RAD51B: variants seen among roughly 807,000 people sequenced by gnomAD.
The protein encoded by RAD51B is DNA repair protein RAD51 homolog 2.
In RAD51B, 38 loss-of-function variants were observed where a neutral mutation model predicts 42.2. The ratio of observed to expected loss-of-function variants is 0.90; its 90% CI spans 0.70 to 1.18. The LOEUF (loss-of-function observed/expected upper bound fraction) is 1.18. RAD51B is among the 50% of genes most tolerant of loss of function. RAD51B has a pLI of 0.00. For synonymous variants in RAD51B, 154 were observed against 145.2 expected (o/e 1.06, Z -0.43); for missense variants, 373 against 400.7 (o/e 0.93, Z 0.59).
intron 10 of RAD51B, among the ~76,000 whole-genome samples, chr14:68,619,846 T>C (rs1222222728): frequency 6.6e-6 from 1 of 152,258 alleles, no homozygotes. Context: ...GCACCTTTTC[T>C]GTCTTCTCCT....
intron 7 of RAD51B, among the ~76,000 whole-genome samples, chr14:68,275,872 A>AT (rs943980164): frequency 6.7e-6 from 1 of 149,384 alleles, no homozygotes; most frequent in African/African-American, 2.5e-5. Context: ...TGTTATTTCT[A>AT]TTTTTTTGTC....
intron 11 of RAD51B, among the ~76,000 whole-genome samples, chr14:68,678,590 G>T (rs1352574423): frequency 4.6e-5 from 7 of 152,134 alleles, no homozygotes. Context: ...GGAAGTAGGG[G>T]GGTGGCTGCC....
At chr14:68,626,848 G>A (rs1892094477) in intron 10 of RAD51B, among the ~76,000 whole-genome samples, 1 of 152,204 alleles carries the variant, frequency 6.6e-6, no homozygotes, top group African/African-American at 2.4e-5. Flanking sequence ...TCTGAGGAGG[G>A]AAAGAACTAA....
At chr14:68,645,229 G>A (rs909866028) in intron 10 of RAD51B, among the ~76,000 whole-genome samples, 19 of 152,078 alleles carry the variant, frequency 1.2e-4, no homozygotes, top group Non-Finnish European at 1.3e-4. Flanking sequence ...TAAGTATCTC[G>A]TGAGTGGAAT....
chr14:67,982,919 G>A (rs368738645), intron 7 of RAD51B, among the ~76,000 whole-genome samples: 1 of 152,086 alleles, frequency 6.6e-6, no homozygotes, highest in East Asian at 1.9e-4. Flanking sequence ...TAAAAAATTA[G>A]CCAGGCATGG....
In RAD51B at chr14:68,601,655, C is replaced by T. The variant is rs553721301; in HGVS notation, c.1037-9351C>T. Among the ~76,000 whole-genome samples the T allele has an allele frequency of 3.1e-4, 47 of 152,214 alleles. 1 individual carries two copies. Among genetic ancestry groups the T allele is most frequent in the African/African-American group, 1.1e-3 (44 of 41,526 alleles). Reference sequence around the variant, plus strand: ...CAGGGCTCCCATCACTCAGCTCTGCCGCCATTCATGTAGTATTCTTCTGTT... The same window carrying T: ...CAGGGCTCCCATCACTCAGCTCTGCTGCCATTCATGTAGTATTCTTCTGTT... On this transcript the variant is annotated intron_variant, in intron 10 of 10. Coordinates refer to the RAD51B transcript ENST00000487861.
In RAD51B at chr14:68,649,807, A is replaced by G. The variant is rs111295886; in HGVS notation, c.1037-974A>G. ...ATGAACACCTTCCGCAAAGAGACCA[A>G]CTGTCTTTTAACCTGATACTGATAT... On this transcript the variant is annotated intron_variant, in intron 10 of 11. Coordinates refer to the RAD51B transcript ENST00000488612. Among the ~76,000 whole-genome samples, 222 of 152,304 alleles carry G rather than the reference A, an allele frequency of 1.5e-3. 2 individuals are homozygous for G. The highest frequency in any genetic ancestry group is 5.2e-3 in the African/African-American group (215 of 41,554).
intron 8 of RAD51B, among the ~76,000 whole-genome samples, chr14:68,388,419 T>G (rs962431949): frequency 2.0e-5 from 3 of 152,146 alleles, no homozygotes; most frequent in African/African-American, 7.2e-5. Context: ...GTTCTTCTAG[T>G]TGGTTTTCCT....
chr14:68,256,970 C>T lies in RAD51B; in HGVS notation c.757-34914C>T, dbSNP rs552137424. 7.9e-5 allele frequency among the ~76,000 whole-genome samples: 12 copies of T among 152,134 alleles called. No individual in the cohort carries two copies. The South Asian group carries it at 2.5e-3, about 32-fold the overall frequency. ...CACTTTATTTCTGGAGTATAGGTTC[C>T]AGGAAAAAGGAATAAAATCTGTAAT... On this transcript the variant is annotated intron_variant, in intron 7 of 10. Coordinates refer to ENST00000471583, the MANE Select transcript of RAD51B (RefSeq NM_133510.4).
At chr14:68,612,308 A>C (rs1169461496), downstream of RAD51B, among the ~76,000 whole-genome samples, 1 of 152,206 alleles carries the variant, frequency 6.6e-6, no homozygotes, top group Non-Finnish European at 1.5e-5. Context: ...CCTGTTTGTA[A>C]CACTCAACTT....
chr14:68,469,948 T>C (rs2086079770), intron 10 of RAD51B, among the ~76,000 whole-genome samples: 1 of 152,066 alleles, frequency 6.6e-6, no homozygotes. Context: ...AGAAGAAGAG[T>C]CACTGAGTTG....
chr14:68,212,972 G>A (rs929173537), intron 7 of RAD51B, among the ~76,000 whole-genome samples: 13 of 152,282 alleles, frequency 8.5e-5, no homozygotes, highest in African/African-American at 2.9e-4. Context: ...ATAGCTGGTT[G>A]AACAAATGTC....
intron 8 of RAD51B, among the ~76,000 whole-genome samples, chr14:68,375,634 G>A (rs957527791): frequency 6.6e-6 from 1 of 152,068 alleles, no homozygotes; most frequent in African/African-American, 2.4e-5. Flanking sequence ...CTGTAAGGAT[G>A]CAGACCATGT....
intron 8 of RAD51B, among the ~76,000 whole-genome samples, chr14:68,303,654 T>C (rs1566795914): frequency 6.6e-6 from 1 of 152,146 alleles, no homozygotes; most frequent in Non-Finnish European, 1.5e-5. Context: ...CAATGAGAAC[T>C]TTAGAATAAG....
At chr14:67,866,412 C>T (rs1482096114) in intron 5 of RAD51B, among the ~76,000 whole-genome samples, 2 of 152,138 alleles carry the variant, frequency 1.3e-5, no homozygotes, top group Non-Finnish European at 2.9e-5. Context: ...ACTAACAAGC[C>T]AAGTAGGTAT....
chr14:68,315,870 A>G (rs1286870339), intron 8 of RAD51B, among the ~76,000 whole-genome samples: 1 of 152,318 alleles, frequency 6.6e-6, no homozygotes, highest in Non-Finnish European at 1.5e-5. Flanking sequence ...ATTTTCTACT[A>G]CTAGAACAAG....
chr14:67,878,000 A>G (rs190043478), intron 5 of RAD51B, among the ~76,000 whole-genome samples: 31 of 152,290 alleles, frequency 2.0e-4, no homozygotes, highest in Non-Finnish European at 3.7e-4. Flanking sequence ...GCCTAATGGT[A>G]TTGGTTTTCA....
intron 7 of RAD51B, among the ~76,000 whole-genome samples, chr14:68,182,238 A>G (rs1342702131): frequency 3.3e-5 from 5 of 152,246 alleles, no homozygotes; most frequent in Non-Finnish European, 7.3e-5. Flanking sequence ...TATGCAGTGT[A>G]CTGAGTAACT....
intron 8 of RAD51B, among the ~76,000 whole-genome samples, chr14:68,340,818 C>A (rs1443084416): frequency 6.6e-6 from 1 of 152,220 alleles, no homozygotes; most frequent in Non-Finnish European, 1.5e-5. Context: ...GCTTGGCTCT[C>A]TAGGACATTG....
Sources: allele counts gnomAD v4.1 joint callset (sites outside exome capture counted in the v4.1 genomes callset), GRCh38; gene constraint gnomAD v4.1.1; transcripts MANE v1.5; gene names NCBI Gene and HGNC (gene_info 2026-07-23, HGNC 2026-07-21).